The following ADIPOR2 variants were observed in gnomAD, a reference collection of about 807,000 sequenced individuals.
ADIPOR2 encodes the protein adiponectin receptor 2.
A neutral mutation model predicts 40.9 loss-of-function variants in ADIPOR2; 18 were observed. The ratio of observed to expected loss-of-function variants is 0.44; its 90% CI spans 0.30 to 0.65. The LOEUF (loss-of-function observed/expected upper bound fraction) is 0.65, where lower values mean the gene tolerates loss of function less well. ADIPOR2 is among the 30% of genes least tolerant of loss of function. The pLI is 0.09. For synonymous variants in ADIPOR2, 165 were observed against 166.4 expected, an observed-to-expected ratio of 0.99 and a Z score of 0.06; for missense variants, 283 against 479.2, an observed-to-expected ratio of 0.59 and a Z score of 3.82.
In ADIPOR2 at chr12:1,757,401, A is replaced by C. The variant is rs567103003; in HGVS notation, c.171+2887A>C. ...GTTTCCATTGGCATCTTTCATGTGA[A>C]CCACATCAAAAGATCCAGAGTGCCT... is the stretch of plus-strand genomic sequence containing the variant. On this transcript the variant is annotated intron_variant, in intron 2 of 7. Transcript: ENST00000357103. 7 of 726,088 alleles carry C rather than the reference A, an allele frequency of 9.6e-6. No individual in the cohort carries two copies. In the African/African-American group the frequency reaches 1.2e-4, roughly 13 times the overall value. 45.0% of individuals were successfully genotyped at this position (726,088 alleles called of 1,614,324 possible). A position where few individuals can be genotyped will look rare whatever the true frequency, so the allele number is the denominator to read the frequency against.
At chr12:1,710,742 C>CATGAGGGGAA (rs2094674976) in intron 1 of ADIPOR2, among the ~76,000 whole-genome samples, 1 of 151,948 alleles carries the variant, frequency 6.6e-6, no homozygotes, top group African/African-American at 2.4e-5. Context: ...GTTGGTTGAC[C>CATGAGGGGAA]CTGTAGCCAT....
At chr12:1,733,765 A>G (rs1466387547) in intron 1 of ADIPOR2, among the ~76,000 whole-genome samples, 1 of 79,090 alleles carries the variant, frequency 1.3e-5, no homozygotes, top group Non-Finnish European at 2.4e-5. Context: ...CCCTCCCTCA[A>G]CCCCACAACA....
At chr12:1,756,452 C>CTTT (rs71055194) in intron 2 of ADIPOR2, among the ~76,000 whole-genome samples, 56 of 132,382 alleles carry the variant, frequency 4.2e-4, no homozygotes, top group East Asian at 3.0e-3. Flanking sequence ...GCCTGGCCTT[C>CTTT]TTTTTTTTTT....
At chr12:1,758,108 A>C in intron 2 of ADIPOR2, 1 of 549,170 alleles carries the variant, frequency 1.8e-6, no homozygotes, top group Non-Finnish European at 3.3e-6. Flanking sequence ...TGATTTTTTT[A>C]TGTGTTGTAA....
At position 1,786,040 on chromosome 12, in the gene ADIPOR2, G is replaced by A. The variant is rs1395620999; in HGVS notation, c.1129G>A (p.Gly377Ser). The stretch of plus-strand genomic sequence containing the variant: ...CCTCCAGGAGTTTCGTTTCATGATC[G>A]GCGGGGGCTGCAGTGAAGAGGATGC... ...SNLQEFRFMIGGGCSEEDAL is the reference protein window; with the variant it reads ...SNLQEFRFMISGGCSEEDAL The change falls in exon 8 of 8, where the codon GGC (glycine) becomes AGC (serine). Residue 377 changes from glycine to serine, a missense_variant. By Grantham distance (56) the Gly-to-Ser change is moderately conservative (BLOSUM62 0). This residue lies in a region of ADIPOR2 where 106 missense variants were observed against 149.7 expected (regional missense o/e 0.71). Coordinates refer to ENST00000357103, the MANE Select transcript of ADIPOR2 (RefSeq NM_024551.3). 4.3e-6 allele frequency: 7 copies of A among 1,613,754 alleles called. No individual in the cohort carries two copies. The highest frequency in any genetic ancestry group is 1.3e-5 in the African/African-American group (1 of 74,824).
chr12:1,745,897 A>G (rs564604323), intron 1 of ADIPOR2, among the ~76,000 whole-genome samples: 2 of 152,304 alleles, frequency 1.3e-5, no homozygotes, highest in Admixed American at 1.3e-4. Flanking sequence ...ATTCATGCAT[A>G]GTGTTTTCAT....
chr12:1,777,795 C>T, intron 3 of ADIPOR2, 59 bp from the exon 4 acceptor site: 1 of 1,507,024 alleles, frequency 6.6e-7, no homozygotes, highest in Non-Finnish European at 9.0e-7. Context: ...TGTTAGGGGT[C>T]AGTGTTGGTA....
intron 1 of ADIPOR2, among the ~76,000 whole-genome samples, chr12:1,734,216 C>T (rs984367793): frequency 6.6e-6 from 1 of 152,230 alleles, no homozygotes; most frequent in African/African-American, 2.4e-5. Context: ...AACTAGTTTA[C>T]AGTCCCCCCA....
At chr12:1,699,386 G>A (rs1021322327) in intron 1 of ADIPOR2, among the ~76,000 whole-genome samples, 7 of 152,302 alleles carry the variant, frequency 4.6e-5, no homozygotes, top group African/African-American at 1.7e-4. Flanking sequence ...GGGACGCCAA[G>A]GTGGGCGGAT....
intron 7 of ADIPOR2, among the ~76,000 whole-genome samples, chr12:1,784,801 A>G (rs1862795139): frequency 6.6e-6 from 1 of 152,234 alleles, no homozygotes; most frequent in South Asian, 2.1e-4. Flanking sequence ...TATTTTCAAC[A>G]AGACAACATT....
At chr12:1,725,624 A>T (rs2094706392) in intron 1 of ADIPOR2, among the ~76,000 whole-genome samples, 1 of 152,238 alleles carries the variant, frequency 6.6e-6, no homozygotes. Context: ...TAAGTACATC[A>T]TTTAAAAATA....
At chr12:1,730,992 A>G (rs1233844761) in intron 1 of ADIPOR2, 2 of 152,236 alleles carry the variant, frequency 1.3e-5, no homozygotes, top group Non-Finnish European at 2.9e-5. Context: ...TTTATACTGC[A>G]TATATGTGAA....
chr12:1,735,584 T>C (rs2094728694), intron 1 of ADIPOR2, among the ~76,000 whole-genome samples: 1 of 152,326 alleles, frequency 6.6e-6, no homozygotes, highest in South Asian at 2.1e-4. Context: ...GAATACCCTT[T>C]ATTTCCTTCT....
intron 1 of ADIPOR2, among the ~76,000 whole-genome samples, chr12:1,691,543 C>T (rs1485534118): frequency 6.6e-6 from 1 of 152,216 alleles, no homozygotes; most frequent in Non-Finnish European, 1.5e-5. Flanking sequence ...CAGCTCCCTG[C>T]CCGCGGAGAG....
At chr12:1,727,431 G>A (rs1242535203) in intron 1 of ADIPOR2, among the ~76,000 whole-genome samples, 1 of 152,138 alleles carries the variant, frequency 6.6e-6, no homozygotes, top group Non-Finnish European at 1.5e-5. Context: ...TTTCCAATAA[G>A]CATTGCATGT....
At chr12:1,754,802 G>A (rs1862087320) in intron 2 of ADIPOR2, among the ~76,000 whole-genome samples, 1 of 151,478 alleles carries the variant, frequency 6.6e-6, no homozygotes, top group Admixed American at 6.6e-5. Flanking sequence ...GCATGATCTC[G>A]GCTCGCTGCA....
intron 1 of ADIPOR2, among the ~76,000 whole-genome samples, chr12:1,742,444 A>G (rs1402424619): frequency 1.3e-5 from 2 of 152,192 alleles, no homozygotes; most frequent in Non-Finnish European, 2.9e-5. Context: ...TTCCCCATCC[A>G]TAAGGCAGGT....
chr12:1,695,020 T>TG (rs1321063109), intron 1 of ADIPOR2, among the ~76,000 whole-genome samples: 287 of 125,920 alleles, frequency 2.3e-3, no homozygotes, highest in African/African-American at 6.8e-3. Flanking sequence ...AGTTTTTTTT[T>TG]TTTTTTTGTT....
chr12:1,771,693 C>T (rs986918117), intron 2 of ADIPOR2, among the ~76,000 whole-genome samples: 2 of 152,156 alleles, frequency 1.3e-5, no homozygotes, highest in Admixed American at 6.5e-5. Context: ...TCAGAATTTC[C>T]TTTTAAACAA....
Sources: allele counts gnomAD v4.1 joint callset (sites outside exome capture counted in the v4.1 genomes callset), GRCh38; gene constraint gnomAD v4.1.1; regional missense constraint gnomAD v4.1.1; transcripts MANE v1.5; gene names NCBI Gene and HGNC (gene_info 2026-07-23, HGNC 2026-07-21).